The following SLC29A4 variants were observed in gnomAD, a reference collection of about 807,000 sequenced individuals.
SLC29A4 encodes solute carrier family 29 member 4.
A neutral mutation model predicts 43.9 loss-of-function variants in SLC29A4; 36 were observed. That is an observed-to-expected ratio of 0.82 (90% CI 0.63 to 1.08). SLC29A4 has a LOEUF of 1.08. Among genes scored for constraint, SLC29A4 ranks in the 50% least tolerant of loss-of-function variants. The probability of loss-of-function intolerance (pLI) is 0.00; values close to 1 mark genes in which losing one functional copy is unlikely to be tolerated. For missense variants in SLC29A4, 869 were observed against 755.3 expected (o/e 1.15, Z -1.77); for synonymous variants, 491 against 338.0 (o/e 1.45, Z -4.97).
intron 6 of SLC29A4, among the ~76,000 whole-genome samples, chr7:5,295,632 C>T (rs939745046): frequency 2.0e-5 from 3 of 152,198 alleles, no homozygotes; most frequent in Non-Finnish European, 4.4e-5. Flanking sequence ...TGGACTGGCC[C>T]GGGGTCAGTG....
At chr7:5,291,546 C>G (rs1785310322) in intron 4 of SLC29A4, 147 bp from the exon 5 acceptor site, 1 of 1,102,868 alleles carries the variant, frequency 9.1e-7, no homozygotes, top group African/African-American at 1.6e-5. Context: ...CTCCAGGTGC[C>G]CCTGTTAGAC....
At chr7:5,295,261 AG>A (rs781649836) in intron 6 of SLC29A4, among the ~76,000 whole-genome samples, 7 of 150,510 alleles carry the variant, frequency 4.7e-5, no homozygotes, top group Non-Finnish European at 1.0e-4. Context: ...CGCGTGTGTT[AG>A]GAGGTGGGCC....
At chr7:5,295,081 A>G (rs916361086) in intron 6 of SLC29A4, 147 bp downstream of exon 6, 2 of 716,012 alleles carry the variant, frequency 2.8e-6, no homozygotes, top group Non-Finnish European at 4.6e-6. Flanking sequence ...AGTGATCACC[A>G]TCTTTCCTGG....
chr7:5,302,732 C>A, intron 10 of SLC29A4, 65 bp from the exon 11 acceptor site: 1 of 1,494,802 alleles, frequency 6.7e-7, no homozygotes, highest in African/African-American at 1.4e-5. Flanking sequence ...ACCTCACACC[C>A]GAGCAGCCGT....
At chr7:5,294,512 G>A (rs1212684337) in intron 5 of SLC29A4, among the ~76,000 whole-genome samples, 1 of 152,102 alleles carries the variant, frequency 6.6e-6, no homozygotes, top group Non-Finnish European at 1.5e-5. Flanking sequence ...GTCTCTCAGG[G>A]CCTCAGGCAG....
chr7:5,296,889 A>G (rs779048320), intron 6 of SLC29A4, 47 bp from the exon 7 acceptor site: 272 of 1,422,870 alleles, frequency 1.9e-4, no homozygotes, highest in Non-Finnish European at 2.4e-4. Context: ...GGGGCGGTGC[A>G]GGGAGCTGGG....
In SLC29A4 at chr7:5,302,675, G is replaced by A. The variant is rs1436155844; in HGVS notation, c.1451-122G>A. ...AGGGTGCTCCCAGGAGGAGCGATGG[G>A]GCAGCGGGTCCTGGAGGGGCGGCAC... On this transcript the variant is annotated intron_variant, in intron 10 of 10. Transcript: ENST00000396872. The A allele has an allele frequency of 3.1e-6, 3 of 952,962 alleles. No individual in the cohort carries two copies. In the African/African-American group the frequency reaches 5.1e-5, roughly 16 times the overall value. 59.0% of individuals were successfully genotyped at this position (952,962 alleles called of 1,614,324 possible).
At chr7:5,289,702 C>G (rs898813855) in intron 2 of SLC29A4, among the ~76,000 whole-genome samples, 1 of 152,048 alleles carries the variant, frequency 6.6e-6, no homozygotes, top group African/African-American at 2.4e-5. Context: ...CACGGTCCCC[C>G]CCTTGCCGGT....
chr7:5,283,194 C>G (rs1489368248), intron 1 of SLC29A4, 112 bp downstream of exon 1: 2 of 149,680 alleles, frequency 1.3e-5, no homozygotes, highest in Admixed American at 6.6e-5. Flanking sequence ...GCGCTGCCCC[C>G]TCTCCCCAGC....
rs541082501 is a variant in SLC29A4, at chr7:5,287,839, G to A, written c.23G>A (p.Arg8His). The change falls in exon 2 of 11, where the codon CGC (arginine) becomes CAC (histidine). Residue 8 changes from arginine to histidine, a missense_variant. Coordinates refer to ENST00000396872, the MANE Select transcript of SLC29A4 (RefSeq NM_153247.4). ...GCCATGGGCTCCGTGGGGAGCCAGC[G>A]CCTTGAGGAGCCCAGCGTGGCAGGC... MGSVGSQ[R>H]LEEPSVAGTP... 20 of 1,611,686 alleles carry A rather than the reference G, an allele frequency of 1.2e-5. No homozygotes were observed. The highest frequency in any genetic ancestry group is 2.2e-5 in the East Asian group (1 of 44,876).
intron 9 of SLC29A4, 129 bp from the exon 10 acceptor site, chr7:5,300,293 A>G: frequency 7.3e-7 from 1 of 1,372,262 alleles, no homozygotes; most frequent in Non-Finnish European, 1.0e-6. Context: ...GGAGAAGGGC[A>G]GGGGTGCAGG....
At position 5,291,821 on chromosome 7, in the gene SLC29A4, G is replaced by C; in HGVS notation, c.544G>C (p.Val182Leu). The change falls in exon 5 of 11, where the codon GTG becomes CTG. Residue 182 changes from valine (V) to leucine (L), a missense_variant and splice_region_variant. Physicochemically the swap from Val to Leu is conservative, Grantham distance 32. Transcript: ENST00000396872. ...GGGCACCGTGGCCTTCGGCTGCACA[G>C]GTAGGAACCGGGGCCCAAGGGGGAG... ...AVGTVAFGCTVQQSSFYGYTG... is the reference protein window; with the variant it reads ...AVGTVAFGCTLQQSSFYGYTG... The C allele has an allele frequency of 1.2e-6, 2 of 1,610,894 alleles. No individual in the cohort carries two copies. The highest frequency in any genetic ancestry group is 2.3e-4 in the Middle Eastern group (1 of 4,438).
In SLC29A4 at chr7:5,305,688, G is replaced by C. The variant is rs1227092057; in HGVS notation, c.*2749G>C. On this transcript the variant is annotated 3_prime_UTR_variant, in exon 11 of 11. Transcript: ENST00000396872. ...TTCTCCTGCCTCAGCCTCCCGAGTA[G>C]CTGGGATTACAGGCATGTGCCACCA... The C allele has an allele frequency of 6.6e-6, 1 of 151,400 alleles. No homozygotes were observed. Among genetic ancestry groups the C allele is most frequent in the African/African-American group, 2.4e-5 (1 of 41,114 alleles). 9.4% of individuals were successfully genotyped at this position (151,400 alleles called of 1,614,324 possible). A position where few individuals can be genotyped will look rare whatever the true frequency, so the allele number is the denominator to read the frequency against.
At chr7:5,283,601 G>A (rs1007088001) in intron 1 of SLC29A4, among the ~76,000 whole-genome samples, 1 of 152,212 alleles carries the variant, frequency 6.6e-6, no homozygotes. Context: ...GAGGGCGGTG[G>A]GCCCGGGGGG....
At chr7:5,299,219 C>T (rs568782367) in intron 8 of SLC29A4, 21 bp from the exon 9 acceptor site, 20 of 1,603,844 alleles carry the variant, frequency 1.2e-5, no homozygotes, top group African/African-American at 1.2e-4. Flanking sequence ...CTGCCTCTGA[C>T]CCCCGCCCGC....
chr7:5,291,280 C>T (rs1352116864), intron 4 of SLC29A4, 43 bp downstream of exon 4: 2 of 1,565,432 alleles, frequency 1.3e-6, no homozygotes, highest in East Asian at 2.3e-5. Context: ...GTCATGGCTT[C>T]CACCTGCCTG....
intron 2 of SLC29A4, among the ~76,000 whole-genome samples, chr7:5,288,611 A>G (rs1169469993): frequency 6.6e-6 from 1 of 151,996 alleles, no homozygotes; most frequent in Non-Finnish European, 1.5e-5. Context: ...TAAAGCTTCT[A>G]TCTGGAGTGA....
chr7:5,306,830 A>AAAAG lies in SLC29A4; in HGVS notation c.*3893_*3896dup, dbSNP rs574261387. The AAAAG allele has an allele frequency of 2.6e-4, 40 of 151,752 alleles. 1 individual carries two copies. The highest frequency in any genetic ancestry group is 8.5e-4 in the Admixed American group (13 of 15,272). The allele number at this position is 151,752 out of a possible 1,614,324, so 9.4% of individuals were successfully genotyped here. Reference sequence around the variant, plus strand: ...TAAATCTTTTCTTTTTTTTTATGAAAAAAGATCACACAGAATTTGCCAACA... The same window carrying AAAAG: ...TAAATCTTTTCTTTTTTTTTATGAAAAAAGAAAGATCACACAGAATTTGCCAACA... On this transcript the variant is annotated 3_prime_UTR_variant, in exon 11 of 11. Coordinates refer to ENST00000396872, the MANE Select transcript of SLC29A4 (RefSeq NM_153247.4).
intron 1 of SLC29A4, among the ~76,000 whole-genome samples, chr7:5,285,602 C>A (rs887970187): frequency 6.6e-6 from 1 of 152,148 alleles, no homozygotes; most frequent in African/African-American, 2.4e-5. Flanking sequence ...GGTAACTGAT[C>A]ATGAAAACCT....
Sources: gnomAD v4.1 joint callset for allele counts (sites outside exome capture counted in the v4.1 genomes callset) on GRCh38, gnomAD v4.1.1 for gene constraint, MANE v1.5 for transcripts, NCBI Gene and HGNC (gene_info 2026-07-23, HGNC 2026-07-21) for gene names.